SEMA3A: variants seen among roughly 807,000 people sequenced by gnomAD.
SEMA3A encodes semaphorin 3A, also known as semaphorin-3A.
SEMA3A carries 29 observed loss-of-function variants against 97.9 expected under a neutral mutation model. That is an observed-to-expected ratio of 0.30 (90% CI 0.22 to 0.40). The LOEUF is 0.40. Among genes scored for constraint, SEMA3A ranks in the 10% least tolerant of loss-of-function variants. The pLI is 1.00. For missense variants in SEMA3A, 763 were observed against 951.3 expected, an observed-to-expected ratio of 0.80 and a Z score of 2.60; for synonymous variants, 321 against 323.7, an observed-to-expected ratio of 0.99 and a Z score of 0.09.
intron 1 of SEMA3A, among the ~76,000 whole-genome samples, chr7:84,392,724 T>C (rs1375092570): frequency 2.0e-5 from 3 of 152,228 alleles, no homozygotes; most frequent in African/African-American, 4.8e-5. Flanking sequence ...ATCTTTTTAA[T>C]AATAACCATT....
At chr7:83,988,268 C>T (rs1023668379) in intron 12 of SEMA3A, among the ~76,000 whole-genome samples, 24 of 152,030 alleles carry the variant, frequency 1.6e-4, no homozygotes, top group African/African-American at 4.3e-4. Flanking sequence ...GCTCTGTCGC[C>T]GAGGCTGGAG....
At chr7:84,124,723 G>A (rs2116000817) in intron 3 of SEMA3A, among the ~76,000 whole-genome samples, 1 of 152,044 alleles carries the variant, frequency 6.6e-6, no homozygotes, top group Middle Eastern at 3.4e-3. Flanking sequence ...ACAAATCCCA[G>A]GGATCCATCC....
intron 1 of SEMA3A, among the ~76,000 whole-genome samples, chr7:84,452,153 C>T (rs1234956870): frequency 6.6e-6 from 1 of 152,114 alleles, no homozygotes; most frequent in Non-Finnish European, 1.5e-5. Flanking sequence ...AAGGATCACA[C>T]ATTTGTCCTA....
chr7:84,275,635 G>C (rs1421625400), intron 3 of SEMA3A, among the ~76,000 whole-genome samples: 1 of 151,862 alleles, frequency 6.6e-6, no homozygotes, highest in Non-Finnish European at 1.5e-5. Context: ...CTCAGGGGTT[G>C]CTGGTCTAGG....
chr7:84,247,600 C>T (rs1799506285), intron 3 of SEMA3A, among the ~76,000 whole-genome samples: 1 of 152,042 alleles, frequency 6.6e-6, no homozygotes, highest in African/African-American at 2.4e-5. Flanking sequence ...TTTGACTGGC[C>T]AGGCAGACAA....
intron 1 of SEMA3A, among the ~76,000 whole-genome samples, chr7:84,428,545 T>A (rs1804885847): frequency 6.6e-6 from 1 of 152,050 alleles, no homozygotes; most frequent in African/African-American, 2.4e-5. Flanking sequence ...ATTTTAAAAA[T>A]TTCTTTGAAT....
intron 1 of SEMA3A, among the ~76,000 whole-genome samples, chr7:84,150,511 C>T (rs1354454329): frequency 1.3e-5 from 2 of 152,204 alleles, no homozygotes; most frequent in East Asian, 1.9e-4. Flanking sequence ...TCACTCCCAC[C>T]CGAATACTGT....
chr7:84,288,519 G>A (rs942019341), intron 3 of SEMA3A, among the ~76,000 whole-genome samples: 5 of 152,052 alleles, frequency 3.3e-5, no homozygotes, highest in African/African-American at 7.2e-5. Flanking sequence ...CCAACATGGC[G>A]AAATCCTGTC....
chr7:84,410,707 C>T (rs1455557833), intron 1 of SEMA3A, among the ~76,000 whole-genome samples: 1 of 152,206 alleles, frequency 6.6e-6, no homozygotes, highest in Non-Finnish European at 1.5e-5. Context: ...AAGAAAAATG[C>T]AGGTATTAGA....
intron 2 of SEMA3A, among the ~76,000 whole-genome samples, chr7:84,366,582 T>C (rs186025738): frequency 3.3e-5 from 5 of 151,490 alleles, no homozygotes; most frequent in Non-Finnish European, 7.4e-5. Context: ...TGTGATTCCG[T>C]GCTACACTAA....
At chr7:84,200,867 C>CA (rs1798338276) in intron 3 of SEMA3A, among the ~76,000 whole-genome samples, 1 of 146,582 alleles carries the variant, frequency 6.8e-6, no homozygotes, top group Non-Finnish European at 1.5e-5. Context: ...TCAAGTGAGA[C>CA]AAAAATCCCA....
At chr7:84,014,140 G>A in intron 7 of SEMA3A, 69 bp downstream of exon 7, 1 of 1,416,682 alleles carries the variant, frequency 7.1e-7, no homozygotes, top group South Asian at 1.3e-5. Context: ...CACACAGGTA[G>A]AAAATTTTAA....
At chr7:84,407,625 C>G (rs376769479) in intron 1 of SEMA3A, among the ~76,000 whole-genome samples, 8 of 103,712 alleles carry the variant, frequency 7.7e-5, no homozygotes, top group South Asian at 2.6e-4. Flanking sequence ...GAGGCATCAC[C>G]GTACCTGACT....
chr7:84,277,019 T>C (rs11982998), intron 3 of SEMA3A, among the ~76,000 whole-genome samples: 1 of 152,086 alleles, frequency 6.6e-6, no homozygotes, highest in Non-Finnish European at 1.5e-5. Flanking sequence ...TGGCTTTACA[T>C]GTACCTAAAT....
At chr7:84,120,286 A>T (rs543478583) in intron 3 of SEMA3A, among the ~76,000 whole-genome samples, 1 of 152,284 alleles carries the variant, frequency 6.6e-6, no homozygotes, top group East Asian at 1.9e-4. Context: ...TCTGAAATAA[A>T]CTTAATGACA....
intron 2 of SEMA3A, among the ~76,000 whole-genome samples, chr7:84,321,971 C>T (rs189730034): frequency 6.8e-6 from 1 of 147,994 alleles, no homozygotes; most frequent in African/African-American, 2.5e-5. Context: ...GACTCACAGA[C>T]TCACAGTTCC....
chr7:84,081,594 T>TAA (rs5885397), intron 4 of SEMA3A, among the ~76,000 whole-genome samples: 4 of 113,972 alleles, frequency 3.5e-5, no homozygotes, highest in Admixed American at 9.3e-5. Flanking sequence ...CTCCGTCTCT[T>TAA]AAAAAAAAAA....
intron 2 of SEMA3A, among the ~76,000 whole-genome samples, chr7:84,329,845 T>C (rs544699228): frequency 6.6e-6 from 1 of 152,190 alleles, no homozygotes; most frequent in African/African-American, 2.4e-5. Flanking sequence ...CTCTTTGTGC[T>C]TTCACATGGG....
chr7:84,318,152 T>G (rs73189030), intron 2 of SEMA3A, among the ~76,000 whole-genome samples: 17,421 of 151,948 alleles, frequency 0.11, 1,234 homozygotes, highest in African/African-American at 0.19. Context: ...TATACATTTT[T>G]ATATTTAGTA....
Sources: allele counts gnomAD v4.1 joint callset (sites outside exome capture counted in the v4.1 genomes callset), GRCh38; gene constraint gnomAD v4.1.1; transcripts MANE v1.5; gene names NCBI Gene and HGNC (gene_info 2026-07-23, HGNC 2026-07-21).